Variants in DMD observed in about 807,000 individuals in gnomAD.
DMD encodes the protein dystrophin.
DMD carries 63 observed loss-of-function variants against 330.1 expected under a neutral mutation model. That is an observed-to-expected ratio of 0.19 (90% CI 0.16 to 0.24). The LOEUF (loss-of-function observed/expected upper bound fraction) is 0.24, where lower values mean the gene tolerates loss of function less well. Ranked by LOEUF, DMD falls within the 10% of genes least tolerant of loss-of-function variation. The probability of loss-of-function intolerance (pLI) is 1.00; values close to 1 mark genes in which losing one functional copy is unlikely to be tolerated. For missense variants in DMD, 3,344 were observed against 2,684.1 expected (o/e 1.25, Z -5.43); for synonymous variants, 1,223 against 959.8 (o/e 1.27, Z -5.07).
intron 1 of DMD, among the ~76,000 whole-genome samples, chrX:33,315,849 A>C (rs1292894552): frequency 1.8e-5 from 2 of 111,254 alleles, no homozygotes; most frequent in Non-Finnish European, 3.8e-5. Context: ...ACAGTACATA[A>C]AATACATGAC....
intron 52 of DMD, among the ~76,000 whole-genome samples, chrX:31,700,116 G>A (rs975106880): frequency 1.8e-5 from 2 of 108,839 alleles, no homozygotes; most frequent in Non-Finnish European, 3.8e-5. Flanking sequence ...AACCCGGGCG[G>A]CAGAGGTTGC....
chrX:33,247,530 A>G (rs1250152847), intron 1 of DMD, among the ~76,000 whole-genome samples: 1 of 111,840 alleles, frequency 8.9e-6, no homozygotes, highest in Non-Finnish European at 1.9e-5. Context: ...GTTCTACTAT[A>G]AAACCAATTG....
chrX:32,100,274 C>T (rs765973666), intron 44 of DMD, among the ~76,000 whole-genome samples: 2 of 109,627 alleles, frequency 1.8e-5, no homozygotes, highest in South Asian at 7.7e-4. Flanking sequence ...GATCACCTAA[C>T]TTTCTTCCTC....
chrX:31,531,922 G>A (rs2073872725), intron 55 of DMD, among the ~76,000 whole-genome samples: 1 of 86,132 alleles, frequency 1.2e-5, no homozygotes, highest in Non-Finnish European at 2.2e-5. Flanking sequence ...AAGCGAGAAG[G>A]GAAGTTTAGA....
At chrX:31,791,430 A>G (rs985256363) in intron 50 of DMD, among the ~76,000 whole-genome samples, 1 of 111,613 alleles carries the variant, frequency 9.0e-6, no homozygotes, top group African/African-American at 3.3e-5. Context: ...ACCTTTACAT[A>G]TCTGTAGCCC....
At chrX:33,033,939 G>A (rs1602943814) in intron 1 of DMD, among the ~76,000 whole-genome samples, 2 of 111,739 alleles carry the variant, frequency 1.8e-5, no homozygotes, top group African/African-American at 6.5e-5. Flanking sequence ...TTCATAAATT[G>A]TAAACTTTAT....
chrX:33,267,520 CAA>C (rs35987440), intron 1 of DMD, among the ~76,000 whole-genome samples: 5 of 104,520 alleles, frequency 4.8e-5, no homozygotes, highest in Non-Finnish European at 5.9e-5. Flanking sequence ...CATATGCAAC[CAA>C]AAAAAAAAAT....
chrX:32,750,680 C>G (rs2070695026), intron 7 of DMD, among the ~76,000 whole-genome samples: 1 of 110,732 alleles, frequency 9.0e-6, no homozygotes, highest in Non-Finnish European at 1.9e-5. Flanking sequence ...CAAATCCTTG[C>G]AGTGGATTGA....
At chrX:32,562,195 G>A (rs915174768) in intron 16 of DMD, among the ~76,000 whole-genome samples, 3 of 111,850 alleles carry the variant, frequency 2.7e-5, no homozygotes, top group African/African-American at 9.7e-5. Context: ...CAGATAGCAA[G>A]AGTTATTATC....
At chrX:31,905,946 T>C (rs1164977832) in intron 47 of DMD, among the ~76,000 whole-genome samples, 1 of 112,114 alleles carries the variant, frequency 8.9e-6, no homozygotes, top group Non-Finnish European at 1.9e-5. Context: ...CTAAATTAGC[T>C]TCTTTTGTTT....
intron 30 of DMD, among the ~76,000 whole-genome samples, chrX:32,408,341 G>A (rs1481275689): frequency 1.8e-5 from 2 of 111,340 alleles, no homozygotes; most frequent in Non-Finnish European, 3.8e-5. Flanking sequence ...AACACACTAA[G>A]GAAGTGAGCA....
chrX:32,833,381 A>G (rs1289135909), intron 4 of DMD, among the ~76,000 whole-genome samples: 1 of 110,813 alleles, frequency 9.0e-6, no homozygotes, highest in Non-Finnish European at 1.9e-5. Context: ...AAGTTTTGAT[A>G]CAGGTAATCT....
At chrX:31,380,129 C>A (rs376686981) in intron 60 of DMD, among the ~76,000 whole-genome samples, 2 of 111,086 alleles carry the variant, frequency 1.8e-5, no homozygotes, top group East Asian at 2.8e-4. Context: ...GTTTCCCTTA[C>A]CTCCATAACT....
At chrX:32,614,939 T>C (rs1176621184) in intron 11 of DMD, among the ~76,000 whole-genome samples, 2 of 110,714 alleles carry the variant, frequency 1.8e-5, no homozygotes, top group Non-Finnish European at 3.8e-5. Flanking sequence ...GTGTAGGCTA[T>C]AAAAGAACTG....
At chrX:32,584,917 T>A (rs780511802) in intron 13 of DMD, among the ~76,000 whole-genome samples, 3 of 111,428 alleles carry the variant, frequency 2.7e-5, no homozygotes, top group Non-Finnish European at 5.6e-5. Context: ...ATACTTCAAT[T>A]TAAAAAGTAC....
At chrX:32,800,854 C>G (rs911279190) in intron 7 of DMD, among the ~76,000 whole-genome samples, 2 of 111,170 alleles carry the variant, frequency 1.8e-5, no homozygotes, top group Admixed American at 9.7e-5. Context: ...CCAGCTTCAT[C>G]CACATCCCTG....
chrX:32,973,973 T>C (rs955719124), intron 2 of DMD, among the ~76,000 whole-genome samples: 2 of 111,052 alleles, frequency 1.8e-5, no homozygotes, highest in Non-Finnish European at 3.8e-5. Context: ...TAAAGAAACA[T>C]ATGGCCATTT....
chrX:32,315,366 C>T (rs765778733), intron 41 of DMD, among the ~76,000 whole-genome samples: 4 of 108,110 alleles, frequency 3.7e-5, no homozygotes, highest in South Asian at 4.1e-4. Context: ...GGCCTGTTGG[C>T]GGGTGGGGGG....
Position 32,969,170 on chromosome X carries a change from C to G in DMD, c.93+50969G>C, listed in dbSNP as rs1431460317. Among the ~76,000 whole-genome samples, 3 of 107,855 alleles carry G rather than the reference C, an allele frequency of 2.8e-5. No individual in the cohort carries two copies. The East Asian group carries it at 8.8e-4, about 32-fold the overall frequency. 93.7% of individuals were successfully genotyped at this position (107,855 alleles called of 115,157 possible). A position where few individuals can be genotyped will look rare whatever the true frequency, so the allele number is the denominator to read the frequency against. On this transcript the variant is annotated intron_variant, in intron 2 of 78. Transcript: ENST00000357033. ...AACATGCTGGTGACTTTTGGACTCA[C>G]CAGCCTCTAGAACTAGGAGCAACAC...
Sources: gnomAD v4.1 joint callset for allele counts (sites outside exome capture counted in the v4.1 genomes callset) on GRCh38, gnomAD v4.1.1 for gene constraint, MANE v1.5 for transcripts, NCBI Gene and HGNC (gene_info 2026-07-23, HGNC 2026-07-21) for gene names.